The following CCDC38 variants were observed in gnomAD, a reference collection of about 807,000 sequenced individuals.
CCDC38 encodes the protein coiled-coil domain containing 38.
In CCDC38, 69 loss-of-function variants were observed where a neutral mutation model predicts 72.8. The observed-to-expected ratio is 0.95, with a 90% CI of 0.78 to 1.16. CCDC38 has a LOEUF of 1.16. CCDC38 is among the 50% of genes most tolerant of loss of function. The pLI, the probability that CCDC38 is intolerant of heterozygous loss-of-function variation, is 0.00. For synonymous variants in CCDC38, 201 were observed against 213.2 expected (o/e 0.94, Z 0.50); for missense variants, 626 against 638.9 (o/e 0.98, Z 0.22).
intron 2 of CCDC38, among the ~76,000 whole-genome samples, chr12:95,930,839 G>A (rs918887307): frequency 6.6e-6 from 1 of 151,716 alleles, no homozygotes. Context: ...AGCAATAAGG[G>A]GTCTGCTTAG....
chr12:95,910,929 G>C (rs1334769886), intron 4 of CCDC38, among the ~76,000 whole-genome samples: 1 of 151,980 alleles, frequency 6.6e-6, no homozygotes, highest in African/African-American at 2.4e-5. Context: ...AGCCCAAATA[G>C]CCAAAGCAAT....
At position 95,872,215 on chromosome 12, in the gene CCDC38, C is replaced by G. The variant is rs759031565; in HGVS notation, c.1484+40G>C. 1.1e-5 allele frequency: 17 copies of G among 1,582,464 alleles called. No individual in the cohort carries two copies. In the East Asian group the frequency reaches 3.6e-4, roughly 33 times the overall value. On this transcript the variant is annotated intron_variant, in intron 14 of 15. Coordinates refer to ENST00000344280, the MANE Select transcript of CCDC38 (RefSeq NM_182496.3). ...TGTGTTTGTGGAATCTGAGCAAAAC[C>G]AGCTACTCATTAAGTCATTCTTATC...
intron 2 of CCDC38, among the ~76,000 whole-genome samples, chr12:95,920,298 C>T (rs1246799428): frequency 6.6e-6 from 1 of 152,154 alleles, no homozygotes; most frequent in East Asian, 1.9e-4. Context: ...CTCTTGCCTG[C>T]CACCATATAA....
At chr12:95,918,578 T>A (rs972335158) in intron 3 of CCDC38, among the ~76,000 whole-genome samples, 2 of 152,156 alleles carry the variant, frequency 1.3e-5, no homozygotes, top group Non-Finnish European at 2.9e-5. Flanking sequence ...TTCAGAAATG[T>A]AAAAAATGTG....
At position 95,874,396 on chromosome 12, in the gene CCDC38, AC is replaced by A. The variant is rs1219374180; in HGVS notation, c.1279-1937del. On this transcript the variant is annotated intron_variant, in intron 13 of 15. Coordinates refer to ENST00000344280, the MANE Select transcript of CCDC38 (RefSeq NM_182496.3). The stretch of plus-strand genomic sequence containing the variant: ...TTTACGATGTCTTTTCTACACCACC[AC>A]CCCCTCCCCCTTTTTTTCTTAAATT... Among the ~76,000 whole-genome samples, 12 of 151,564 alleles carry A rather than the reference AC, an allele frequency of 7.9e-5. No homozygotes were observed. In the East Asian group the frequency reaches 2.3e-3, roughly 29 times the overall value.
At chr12:95,919,495 T>C (rs182806509) in intron 2 of CCDC38, 3 of 455,864 alleles carry the variant, frequency 6.6e-6, no homozygotes, top group Non-Finnish European at 1.3e-5. Flanking sequence ...GTATGGAGTA[T>C]GGAGTCCTTC....
intron 2 of CCDC38, among the ~76,000 whole-genome samples, chr12:95,929,184 C>G (rs1292769605): frequency 6.6e-6 from 1 of 152,218 alleles, no homozygotes; most frequent in African/African-American, 2.4e-5. Context: ...TGCTAGCAAT[C>G]AGCGAGACTC....
At chr12:95,867,539 C>G (rs2079534489) in intron 15 of CCDC38, among the ~76,000 whole-genome samples, 1 of 152,134 alleles carries the variant, frequency 6.6e-6, no homozygotes, top group South Asian at 2.1e-4. Context: ...AGTGCCATAG[C>G]CAGTTTTTCG....
chr12:95,907,692 C>T (rs2080025425), intron 4 of CCDC38, among the ~76,000 whole-genome samples: 1 of 143,446 alleles, frequency 7.0e-6, no homozygotes, highest in Non-Finnish European at 1.5e-5. Flanking sequence ...GACGGGGCGG[C>T]TGCTGGGCGG....
intron 2 of CCDC38, among the ~76,000 whole-genome samples, chr12:95,919,275 T>C (rs2080177954): frequency 1.3e-5 from 2 of 152,182 alleles, no homozygotes; most frequent in Non-Finnish European, 1.5e-5. Context: ...TCAGGTGAGG[T>C]ACAGAAACAG....
At chr12:95,898,229 A>G (rs2079911691) in intron 7 of CCDC38, among the ~76,000 whole-genome samples, 156 bp downstream of exon 7, 1 of 152,178 alleles carries the variant, frequency 6.6e-6, no homozygotes, top group Non-Finnish European at 1.5e-5. Context: ...GCAGGAACAA[A>G]TCTTGATGGA....
At chr12:95,892,081 CT>C (rs67478657) in intron 8 of CCDC38, among the ~76,000 whole-genome samples, 16,081 of 97,562 alleles carry the variant, frequency 0.16, 855 homozygotes, top group African/African-American at 0.35. Context: ...GATCACTCTG[CT>C]TTTTTTTTTT....
At chr12:95,888,638 C>T in intron 9 of CCDC38, 132 bp from the exon 10 acceptor site, 1 of 692,312 alleles carries the variant, frequency 1.4e-6, no homozygotes, top group Non-Finnish European at 2.5e-6. Context: ...CCCATTACTT[C>T]TTTCTTTTTT....
At chr12:95,914,539 T>A (rs989192731) in intron 4 of CCDC38, among the ~76,000 whole-genome samples, 4 of 152,142 alleles carry the variant, frequency 2.6e-5, no homozygotes, top group African/African-American at 9.7e-5. Context: ...ATTTCACCCA[T>A]AAATACTTTA....
At chr12:95,888,112 A>G (rs1283304139) in intron 10 of CCDC38, among the ~76,000 whole-genome samples, 1 of 152,238 alleles carries the variant, frequency 6.6e-6, no homozygotes. Flanking sequence ...ACAAAAAAAT[A>G]CTTTATGATC....
chr12:95,911,668 C>T (rs533678174), intron 4 of CCDC38, among the ~76,000 whole-genome samples: 1 of 152,224 alleles, frequency 6.6e-6, no homozygotes, highest in African/African-American at 2.4e-5. Flanking sequence ...CAATGAGATG[C>T]CGTCTCACAC....
At chr12:95,902,605 G>T (rs2079961470) in intron 5 of CCDC38, among the ~76,000 whole-genome samples, 1 of 152,046 alleles carries the variant, frequency 6.6e-6, no homozygotes, top group African/African-American at 2.4e-5. Context: ...ACCCCAGTTT[G>T]GTTACCCATT....
intron 2 of CCDC38, among the ~76,000 whole-genome samples, chr12:95,930,843 T>C (rs552663887): frequency 1.4e-4 from 22 of 152,288 alleles, no homozygotes; most frequent in Admixed American, 3.9e-4. Context: ...ATAAGGGGTC[T>C]GCTTAGATCT....
chr12:95,890,778 T>G, intron 9 of CCDC38, 54 bp downstream of exon 9: 11 of 1,108,542 alleles, frequency 9.9e-6, no homozygotes, highest in Non-Finnish European at 1.4e-5. Flanking sequence ...GTCTCCACTT[T>G]GAGATGGACA....
Sources: allele counts gnomAD v4.1 joint callset (sites outside exome capture counted in the v4.1 genomes callset), GRCh38; gene constraint gnomAD v4.1.1; transcripts MANE v1.5; gene names NCBI Gene and HGNC (gene_info 2026-07-23, HGNC 2026-07-21).